QRSL1: variants seen among roughly 807,000 people sequenced by gnomAD.
QRSL1 encodes the protein glutamyl-tRNA(Gln) amidotransferase subunit A, mitochondrial.
QRSL1 carries 54 observed loss-of-function variants against 61.6 expected under a neutral mutation model. The ratio of observed to expected loss-of-function variants is 0.88; its 90% CI spans 0.70 to 1.10. QRSL1 has a LOEUF of 1.10. Ranked by LOEUF, QRSL1 falls within the 50% of genes least tolerant of loss-of-function variation. The pLI, the probability that QRSL1 is intolerant of heterozygous loss-of-function variation, is 0.00. For missense variants in QRSL1, 505 were observed against 622.6 expected (o/e 0.81, Z 2.01); for synonymous variants, 228 against 225.7 (o/e 1.01, Z -0.09).
chr6:106,654,657 T>C, intron 7 of QRSL1, 73 bp from the exon 8 acceptor site: 1 of 1,308,388 alleles, frequency 7.6e-7, no homozygotes, highest in Non-Finnish European at 1.1e-6. Flanking sequence ...AAATCATCTA[T>C]ACAGATGAAG....
chr6:106,650,326 C>T (rs1350649300), intron 5 of QRSL1, among the ~76,000 whole-genome samples: 2 of 152,282 alleles, frequency 1.3e-5, no homozygotes, highest in East Asian at 3.9e-4. Context: ...AAGCAACAGT[C>T]TGATTTTGTA....
chr6:106,656,498 C>T (rs76042110), intron 9 of QRSL1, among the ~76,000 whole-genome samples: 4,935 of 152,268 alleles, frequency 0.032, 271 homozygotes, highest in East Asian at 0.19. Context: ...TGTGAACAGG[C>T]TTCATCTTCT....
At position 106,648,274 on chromosome 6, in the gene QRSL1, A is replaced by T. The variant is rs573356049; in HGVS notation, c.381-751A>T. Among the ~76,000 whole-genome samples the T allele has an allele frequency of 2.0e-5, 3 of 152,084 alleles. No individual in the cohort carries two copies. The South Asian group carries it at 6.2e-4, about 32-fold the overall frequency. On this transcript the variant is annotated intron_variant, in intron 4 of 10. Transcript: ENST00000369046. ...TCGCGCCACTGCACTCCAGACTGCC[A>T]GTAGAGCGAGACTCGTCTCAAAAAA...
intron 1 of QRSL1, 50 bp from the exon 2 acceptor site, chr6:106,640,299 T>C: frequency 1.3e-6 from 2 of 1,495,354 alleles, no homozygotes; most frequent in Non-Finnish European, 1.8e-6. Flanking sequence ...ATATAACAAT[T>C]GAAACTTCTG....
chr6:106,642,961 TAA>T, intron 3 of QRSL1, 31 bp from the exon 4 acceptor site: 1 of 1,417,682 alleles, frequency 7.1e-7, no homozygotes, highest in African/African-American at 1.4e-5. Context: ...TTCTGGACTG[TAA>T]AAAAAATAAT....
At chr6:106,645,278 T>C (rs1777089781) in intron 4 of QRSL1, among the ~76,000 whole-genome samples, 1 of 152,248 alleles carries the variant, frequency 6.6e-6, no homozygotes, top group African/African-American at 2.4e-5. Context: ...TTGATTGTGA[T>C]TGTGTTGAAT....
rs773798157 is a variant in QRSL1, at chr6:106,640,909, A to G, written c.271A>G (p.Asn91Asp). 6.2e-7 allele frequency: 1 copy of G among 1,612,658 alleles called. No homozygotes were observed. The highest frequency in any genetic ancestry group is 8.5e-7 in the Non-Finnish European group (1 of 1,178,966). ...TGGCATTGAGACAACATGTGCATCAAATATGCTGAAAGGTAAAGTTTAACT... is the reference window on the plus strand; with the variant it reads ...TGGCATTGAGACAACATGTGCATCAGATATGCTGAAAGGTAAAGTTTAACT... Reference protein sequence around the residue: ...TSGIETTCASNMLKGYIPPYN... With the variant: ...TSGIETTCASDMLKGYIPPYN... Residue 91 changes from asparagine (N) to aspartate (D), a missense_variant, in exon 3 of 11, where the codon AAT becomes GAT. By Grantham distance (23) the Asn-to-Asp change is conservative. Transcript: ENST00000369046.
chr6:106,665,940 A>T lies in QRSL1; in HGVS notation c.1525A>T (p.Met509Leu). 6.2e-7 allele frequency: 1 copy of T among 1,614,024 alleles called. No homozygotes were observed. The highest frequency in any genetic ancestry group is 1.1e-5 in the South Asian group (1 of 91,078). Residue 509 changes from methionine (M) to leucine (L), a missense_variant, in exon 11 of 11, where the codon ATG (methionine) becomes TTG (leucine). By Grantham distance (15) the Met-to-Leu change is conservative. Transcript: ENST00000369046. The stretch of plus-strand genomic sequence containing the variant: ...TCCTGTTATTCAACTTCAAGAACTC[A>T]TGGATGATTGTTCAGCAGTCCTTGA... ...QFPVIQLQELMDDCSAVLENE... is the reference protein window; with the variant it reads ...QFPVIQLQELLDDCSAVLENE...
At position 106,662,975 on chromosome 6, in the gene QRSL1, C is replaced by T. The variant is rs1384334755; in HGVS notation, c.1161-5C>T. The T allele has an allele frequency of 1.9e-6, 3 of 1,596,354 alleles. No homozygotes were observed. In the East Asian group the frequency reaches 6.7e-5, roughly 36 times the overall value. On this transcript the variant is annotated splice_region_variant and splice_polypyrimidine_tract_variant and intron_variant, in intron 9 of 10. Coordinates refer to ENST00000369046, the MANE Select transcript of QRSL1 (RefSeq NM_018292.5). ...TTAAAAACATCACCTACTTTTTTCC[C>T]ACAGAAACTATGAAAATTATTTTGT... is the stretch of plus-strand genomic sequence containing the variant.
chr6:106,645,413 GT>G (rs1271061648), intron 4 of QRSL1, among the ~76,000 whole-genome samples: 6 of 150,994 alleles, frequency 4.0e-5, no homozygotes, highest in Admixed American at 3.9e-4. Flanking sequence ...TTATTCGTGT[GT>G]TTTATGTTTC....
intron 1 of QRSL1, among the ~76,000 whole-genome samples, chr6:106,634,795 C>G (rs12110543): frequency 0.072 from 10,913 of 151,734 alleles, 984 homozygotes; most frequent in African/African-American, 0.2. Context: ...GCATGAAGAC[C>G]AATTAGAAGC....
rs1216388009 is a variant in QRSL1, at chr6:106,654,739, G to A, written c.859G>A (p.Val287Ile). Reference protein sequence around the residue: ...LCIGIPKEYLVPELSSEVQSL... With the variant: ...LCIGIPKEYLIPELSSEVQSL... Reference sequence around the variant, plus strand: ...GACTTTTTGCTATAAGGAATATCTTGTACCGGAATTATCAAGTGAAGTACA... The same window carrying A: ...GACTTTTTGCTATAAGGAATATCTTATACCGGAATTATCAAGTGAAGTACA... Residue 287 changes from valine (V) to isoleucine (I), a missense_variant, in exon 8 of 11, where the codon GTA becomes ATA. Transcript: ENST00000369046. 5.6e-6 allele frequency: 9 copies of A among 1,609,116 alleles called. No homozygotes were observed. In the African/African-American group the frequency reaches 1.1e-4, roughly 19 times the overall value.
chr6:106,648,101 T>C (rs915499137), intron 4 of QRSL1, among the ~76,000 whole-genome samples: 3 of 150,896 alleles, frequency 2.0e-5, no homozygotes. Flanking sequence ...ATTGAGACCA[T>C]CCTGGCCAAC....
chr6:106,641,265 C>T (rs1410638170), intron 3 of QRSL1, among the ~76,000 whole-genome samples: 4 of 152,114 alleles, frequency 2.6e-5, no homozygotes, highest in Non-Finnish European at 5.9e-5. Flanking sequence ...TTGAGTCCAG[C>T]CTGGGCAACA....
At chr6:106,659,481 CATATTT>C (rs1222850984) in intron 9 of QRSL1, among the ~76,000 whole-genome samples, 3 of 149,174 alleles carry the variant, frequency 2.0e-5, no homozygotes, top group African/African-American at 7.5e-5. Flanking sequence ...AAAAAAAAAA[CATATTT>C]ATAGTAACTG....
intron 1 of QRSL1, among the ~76,000 whole-genome samples, chr6:106,630,334 C>T (rs571377927): frequency 1.3e-5 from 2 of 152,278 alleles, no homozygotes; most frequent in Admixed American, 1.3e-4. Context: ...TACCTCTCAA[C>T]CCCCGTCTTA....
chr6:106,640,179 C>T (rs1160317490), intron 1 of QRSL1, 170 bp from the exon 2 acceptor site: 1 of 600,708 alleles, frequency 1.7e-6, no homozygotes, highest in Non-Finnish European at 2.9e-6. Context: ...CAGTGCATCA[C>T]CCTTCATCCA....
chr6:106,652,709 A>G (rs748616285), intron 7 of QRSL1, 127 bp downstream of exon 7: 13 of 1,551,606 alleles, frequency 8.4e-6, no homozygotes, highest in Admixed American at 2.0e-5. Flanking sequence ...TGAGTTGAGT[A>G]TGTGACTTAA....
At chr6:106,640,287 C>CAAAAAAAA in intron 1 of QRSL1, 62 bp from the exon 2 acceptor site, 1 of 1,449,888 alleles carries the variant, frequency 6.9e-7, no homozygotes, top group Non-Finnish European at 9.6e-7. Flanking sequence ...CCACCCCCAC[C>CAAAAAAAA]AATATAACAA....
Sources: gnomAD v4.1 joint callset for allele counts (sites outside exome capture counted in the v4.1 genomes callset) on GRCh38, gnomAD v4.1.1 for gene constraint, MANE v1.5 for transcripts, NCBI Gene and HGNC (gene_info 2026-07-23, HGNC 2026-07-21) for gene names.